ANKEF1: variants seen among roughly 807,000 people sequenced by gnomAD.
The protein encoded by ANKEF1 is ankyrin repeat and EF-hand domain-containing protein 1.
A neutral mutation model predicts 65.1 loss-of-function variants in ANKEF1; 43 were observed. The observed-to-expected ratio is 0.66, with a 90% CI of 0.52 to 0.85. The LOEUF (loss-of-function observed/expected upper bound fraction) is 0.85, where lower values mean the gene tolerates loss of function less well. Ranked by LOEUF, ANKEF1 falls within the 40% of genes least tolerant of loss-of-function variation. ANKEF1 has a pLI of 0.00. For missense variants in ANKEF1, 934 were observed against 952.9 expected (o/e 0.98, Z 0.26); for synonymous variants, 316 against 341.5 (o/e 0.93, Z 0.82).
At position 10,044,376 on chromosome 20, in the gene ANKEF1, G is replaced by T. The variant is rs1292268834; in HGVS notation, c.547-18G>T. 1 of 1,612,928 alleles carries T rather than the reference G, an allele frequency of 6.2e-7. No homozygotes were observed. The highest frequency in any genetic ancestry group is 8.5e-7 in the Non-Finnish European group (1 of 1,179,318). ...ATGGGTATAAACAGCATCTCATATTGGACTATTTCATGTCCAGTCCACAGG... is the reference window on the plus strand; with the variant it reads ...ATGGGTATAAACAGCATCTCATATTTGACTATTTCATGTCCAGTCCACAGG... On this transcript the variant is annotated intron_variant, in intron 4 of 10. Transcript: ENST00000378392.
rs1985154470 is a variant in ANKEF1, at chr20:10,056,456, T to TATAGATGATAGATAGATAG, written c.*799_*817dup. The TATAGATGATAGATAGATAG allele has an allele frequency of 5.6e-5, 5 of 88,948 alleles. No individual in the cohort carries two copies. The highest frequency in any genetic ancestry group is 2.1e-4 in the African/African-American group (5 of 24,072). The allele number at this position is 88,948 out of a possible 1,614,324, so 5.5% of individuals were successfully genotyped here. Reference sequence around the variant, plus strand: ...AGCTAGAAAGGCAGATAGACAGATATATAGATGATAGATAGATAGATGATA... The same window carrying TATAGATGATAGATAGATAG: ...AGCTAGAAAGGCAGATAGACAGATATATAGATGATAGATAGATAGATAGATGATAGATAGATAGATGATA... On this transcript the variant is annotated 3_prime_UTR_variant, in exon 11 of 11. Transcript: ENST00000378392.
chr20:10,042,418 A>C (rs1034949599), intron 3 of ANKEF1, among the ~76,000 whole-genome samples: 2 of 151,982 alleles, frequency 1.3e-5, no homozygotes, highest in Non-Finnish European at 2.9e-5. Context: ...TTACAAAGTC[A>C]GTTTGGAGTC....
Position 10,048,610 on chromosome 20 carries a change from A to C in ANKEF1, c.821-780A>C, listed in dbSNP as rs568698225. On this transcript the variant is annotated intron_variant, in intron 6 of 10. Transcript: ENST00000378392. ...GGTCTGACTGCTTCTTCAAAGTCTT[A>C]CTTATACATATACTTATTATAGACA... 2.0e-5 allele frequency among the ~76,000 whole-genome samples: 3 copies of C among 152,280 alleles called. No individual in the cohort carries two copies. In the East Asian group the frequency reaches 5.8e-4, roughly 29 times the overall value.
In ANKEF1 at chr20:10,038,491, G is replaced by A. The variant is rs772152669; in HGVS notation, c.190G>A (p.Val64Ile). The change falls in exon 3 of 11, where the codon GTC (valine) becomes ATC (isoleucine). Residue 64 changes from valine to isoleucine, a missense_variant. Physicochemically the swap from Val to Ile is conservative, Grantham distance 29. Transcript: ENST00000378392. ...LASVSNDIDMVSFLLDLGAHP... is the reference protein window; with the variant it reads ...LASVSNDIDMISFLLDLGAHP... ...CTCAGTTTCCAATGATATTGATATGGTCAGCTTTCTCCTTGACCTTGGTGC... is the reference window on the plus strand; with the variant it reads ...CTCAGTTTCCAATGATATTGATATGATCAGCTTTCTCCTTGACCTTGGTGC... The A allele has an allele frequency of 6.2e-7, 1 of 1,614,180 alleles. No homozygotes were observed. The highest frequency in any genetic ancestry group is 2.2e-5 in the East Asian group (1 of 44,884).
chr20:10,055,475 T>TG (rs766025499), intron 10 of ANKEF1, 27 bp from the exon 11 acceptor site: 1 of 1,609,044 alleles, frequency 6.2e-7, no homozygotes, highest in Non-Finnish European at 8.5e-7. Context: ...TCATACCTGC[T>TG]GGGGTATGGC....
chr20:10,036,661 G>A (rs755504026), intron 2 of ANKEF1, among the ~76,000 whole-genome samples: 13 of 152,198 alleles, frequency 8.5e-5, no homozygotes, highest in South Asian at 2.1e-4. Context: ...GGCCAACATG[G>A]TGAAACCCTG....
At position 10,038,216 on chromosome 20, in the gene ANKEF1, A is replaced by G; in HGVS notation, c.-44-42A>G. ...TTGTTATTTAATCAAAATGAAGATG[A>G]TAAAATTAACTTTGAGTTATTTTTC... On this transcript the variant is annotated intron_variant, in intron 2 of 10. Transcript: ENST00000378392. The G allele has an allele frequency of 4.8e-6, 4 of 831,144 alleles. No homozygotes were observed. The Middle Eastern group carries it at 7.3e-4, about 152-fold the overall frequency. 51.5% of individuals were successfully genotyped at this position (831,144 alleles called of 1,614,324 possible). A position where few individuals can be genotyped will look rare whatever the true frequency, so the allele number is the denominator to read the frequency against.
At chr20:10,054,731 T>C (rs1198489674) in intron 10 of ANKEF1, 132 bp downstream of exon 10, 1 of 939,478 alleles carries the variant, frequency 1.1e-6, no homozygotes, top group African/African-American at 1.8e-5. Context: ...TGAATGTTCT[T>C]TTGCCAGGTT....
intron 6 of ANKEF1, among the ~76,000 whole-genome samples, chr20:10,046,460 A>G (rs1984531276): frequency 6.6e-6 from 1 of 152,142 alleles, no homozygotes; most frequent in African/African-American, 2.4e-5. Context: ...TGAAATGAAA[A>G]TTTTCATGGA....
rs1984470331 is a variant in ANKEF1, at chr20:10,045,571, C to T, written c.697-3C>T. 6.2e-7 allele frequency: 1 copy of T among 1,612,936 alleles called. No individual in the cohort carries two copies. The highest frequency in any genetic ancestry group is 8.5e-7 in the Non-Finnish European group (1 of 1,179,120). On this transcript the variant is annotated splice_region_variant and splice_polypyrimidine_tract_variant and intron_variant, in intron 5 of 10. Coordinates refer to ENST00000378392, the MANE Select transcript of ANKEF1 (RefSeq NM_022096.6). ...TCCACAATATCCACTATTTATTTTA[C>T]AGATATTGAAGCTTCTTTTTGCCTA...
intron 2 of ANKEF1, among the ~76,000 whole-genome samples, chr20:10,037,221 C>A (rs1299470331): frequency 6.6e-6 from 1 of 152,142 alleles, no homozygotes. Flanking sequence ...TATTTACCCA[C>A]AAAGTGGTAG....
chr20:10,043,704 G>A (rs1984340627), intron 4 of ANKEF1, among the ~76,000 whole-genome samples: 1 of 128,228 alleles, frequency 7.8e-6, no homozygotes, highest in Admixed American at 9.1e-5. Context: ...TGTTGCCCAG[G>A]TTGGAGTGCA....
intron 9 of ANKEF1, among the ~76,000 whole-genome samples, chr20:10,053,569 A>G (rs1293686197): frequency 1.3e-5 from 2 of 152,180 alleles, no homozygotes; most frequent in Non-Finnish European, 2.9e-5. Context: ...TTGGATTTGT[A>G]TATATTTGGT....
At chr20:10,054,400 A>G in intron 9 of ANKEF1, 62 bp from the exon 10 acceptor site, 3 of 1,346,214 alleles carry the variant, frequency 2.2e-6, no homozygotes, top group Non-Finnish European at 2.9e-6. Flanking sequence ...TGAAACAGCA[A>G]ATAATATTAG....
chr20:10,038,884 G>A (rs935440929), intron 3 of ANKEF1, among the ~76,000 whole-genome samples: 1 of 152,202 alleles, frequency 6.6e-6, no homozygotes, highest in African/African-American at 2.4e-5. Flanking sequence ...ATTAATTTGT[G>A]TTTGGTGGTT....
rs1318340870 is a variant in ANKEF1 at position 10,035,284 on chromosome 20, ACATAGGTGCC to A, written c.-155_-146del. 1 of 152,458 alleles carries A rather than the reference ACATAGGTGCC, an allele frequency of 6.6e-6. No homozygotes were observed. Among genetic ancestry groups the A allele is most frequent in the Non-Finnish European group, 1.5e-5 (1 of 68,222 alleles). 9.4% of individuals were successfully genotyped at this position (152,458 alleles called of 1,614,324 possible). A position where few individuals can be genotyped will look rare whatever the true frequency, so the allele number is the denominator to read the frequency against. ...CCCGGTCGCCCCAGCAGGCCCAGGC[ACATAGGTGCC>A]CAGAGATCCCTGGCTTCTGATCGCC... is the stretch of plus-strand genomic sequence containing the variant. On this transcript the variant is annotated 5_prime_UTR_variant, in exon 1 of 11. An upstream open reading frame in the 5' UTR loses its in-frame stop. Transcript: ENST00000378392.
At chr20:10,039,642 A>G (rs944969104) in intron 3 of ANKEF1, among the ~76,000 whole-genome samples, 5 of 152,306 alleles carry the variant, frequency 3.3e-5, no homozygotes, top group Admixed American at 6.5e-5. Context: ...CTAAATCCTG[A>G]AAAAACGGTA....
At chr20:10,044,025 C>T (rs1239938683) in intron 4 of ANKEF1, among the ~76,000 whole-genome samples, 2 of 152,078 alleles carry the variant, frequency 1.3e-5, no homozygotes, top group Non-Finnish European at 2.9e-5. Context: ...TTTCTTGACA[C>T]TAAACATTGA....
intron 2 of ANKEF1, among the ~76,000 whole-genome samples, chr20:10,036,273 C>G (rs1197848459): frequency 6.6e-6 from 1 of 152,164 alleles, no homozygotes; most frequent in Non-Finnish European, 1.5e-5. Context: ...CATTGAAGTC[C>G]CTGATTGGGA....
Sources: gnomAD v4.1 joint callset for allele counts (sites outside exome capture counted in the v4.1 genomes callset) on GRCh38, gnomAD v4.1.1 for gene constraint, MANE v1.5 for transcripts, NCBI Gene and HGNC (gene_info 2026-07-23, HGNC 2026-07-21) for gene names.